The following SMYD3 variants were observed in gnomAD, a reference collection of about 807,000 sequenced individuals.
The protein encoded by SMYD3 is histone-lysine N-methyltransferase SMYD3.
SMYD3 carries 36 observed loss-of-function variants against 57.7 expected under a neutral mutation model. That is an observed-to-expected ratio of 0.62 (90% CI 0.48 to 0.82). The LOEUF (loss-of-function observed/expected upper bound fraction) is 0.82. Among genes scored for constraint, SMYD3 ranks in the 40% least tolerant of loss-of-function variants. The probability of loss-of-function intolerance (pLI) is 0.00; values close to 1 mark genes in which losing one functional copy is unlikely to be tolerated. For synonymous variants in SMYD3, 211 were observed against 195.0 expected (o/e 1.08, Z -0.68); for missense variants, 515 against 538.8 (o/e 0.96, Z 0.44).
intron 5 of SMYD3, among the ~76,000 whole-genome samples, chr1:246,212,864 C>T (rs971771180): frequency 5.9e-5 from 9 of 152,074 alleles, no homozygotes; most frequent in African/African-American, 2.2e-4. Flanking sequence ...ACAAGGCATA[C>T]AAATGTAGAC....
chr1:246,007,654 G>GA (rs35495113), intron 5 of SMYD3, among the ~76,000 whole-genome samples: 81 of 146,782 alleles, frequency 5.5e-4, no homozygotes, highest in Middle Eastern at 3.4e-3. Context: ...ACCAAAAATA[G>GA]AAAAAAAAAA....
chr1:245,994,380 C>T (rs950587304), intron 5 of SMYD3, among the ~76,000 whole-genome samples: 8 of 152,118 alleles, frequency 5.3e-5, no homozygotes, highest in African/African-American at 1.2e-4. Flanking sequence ...GAGAGGGACG[C>T]GGGGCTTTAG....
intron 1 of SMYD3, among the ~76,000 whole-genome samples, chr1:246,356,974 T>G (rs1460345492): frequency 1.3e-5 from 2 of 152,144 alleles, no homozygotes; most frequent in Non-Finnish European, 2.9e-5. Flanking sequence ...AGACACACAG[T>G]CAAGAGGTTA....
rs551580052 is a variant in SMYD3 at position 246,160,831 on chromosome 1, A to G, written c.531+166370T>C. Among the ~76,000 whole-genome samples the G allele has an allele frequency of 3.3e-5, 5 of 152,328 alleles. No individual in the cohort carries two copies. The South Asian group carries it at 8.3e-4, about 25-fold the overall frequency. On this transcript the variant is annotated intron_variant, in intron 5 of 11. Transcript: ENST00000490107. The stretch of plus-strand genomic sequence containing the variant: ...CATTGGGGAAATACTTTCAGATCAC[A>G]TCCAGGATAAACCATTATTTTCAAA...
At chr1:246,245,120 C>CTTTTTTTTTTTTTTTTTTTTTTTTT (rs74163421) in intron 5 of SMYD3, among the ~76,000 whole-genome samples, 6 of 122,950 alleles carry the variant, frequency 4.9e-5, no homozygotes, top group African/African-American at 6.1e-5. Flanking sequence ...CAGCTACTGC[C>CTTTTTTTTTTTTTTTTTTTTTTTTT]TTTTTTTTTT....
intron 10 of SMYD3, among the ~76,000 whole-genome samples, chr1:245,797,679 T>TATAGATAG (rs200665516): frequency 6.6e-6 from 1 of 151,652 alleles, no homozygotes; most frequent in African/African-American, 2.4e-5. Context: ...TATAATTATA[T>TATAGATAG]ATAGATAGAT....
chr1:245,908,404 T>G (rs1432956888), intron 8 of SMYD3, among the ~76,000 whole-genome samples: 1 of 152,212 alleles, frequency 6.6e-6, no homozygotes, highest in Admixed American at 6.5e-5. Context: ...CACTAATAGT[T>G]GGGGACTTCA....
intron 5 of SMYD3, among the ~76,000 whole-genome samples, chr1:246,036,652 T>C (rs916728092): frequency 2.2e-4 from 33 of 151,320 alleles, no homozygotes; most frequent in African/African-American, 6.8e-4. Context: ...CTCCCGGGTT[T>C]ACGCCATTCT....
In SMYD3 at chr1:246,450,284, T is replaced by C. The variant is rs551250341; in HGVS notation, c.164+56770A>G. Among the ~76,000 whole-genome samples the C allele has an allele frequency of 1.2e-4, 18 of 150,442 alleles. No homozygotes were observed. In the East Asian group the frequency reaches 3.5e-3, roughly 29 times the overall value. On this transcript the variant is annotated intron_variant, in intron 1 of 11. Coordinates refer to ENST00000490107, the MANE Select transcript of SMYD3 (RefSeq NM_001167740.2). ...CCAGCCTGGGCAACAAAAGCGAAACTCTATCTCAAAAAAAAAAAACTCATC... is the reference window on the plus strand; with the variant it reads ...CCAGCCTGGGCAACAAAAGCGAAACCCTATCTCAAAAAAAAAAAACTCATC...
rs1553321353 is a variant in SMYD3, at chr1:245,786,215, G to GGGGA, written c.1077-22067_1077-22066insTCCC. Among the ~76,000 whole-genome samples the GGGGA allele has an allele frequency of 2.0e-5, 3 of 147,100 alleles. 1 individual carries two copies. The highest frequency in any genetic ancestry group is 3.0e-5 in the Non-Finnish European group (2 of 67,058). On this transcript the variant is annotated intron_variant, in intron 10 of 11. Transcript: ENST00000490107. The stretch of plus-strand genomic sequence containing the variant: ...ACTGAGTTGAGTTGGGGTGTGGACG[G>GGGGA]GGGGGGGATGGTGGCAACAGAATAT...
chr1:246,100,076 T>C (rs772761094), intron 5 of SMYD3, among the ~76,000 whole-genome samples: 1 of 152,232 alleles, frequency 6.6e-6, no homozygotes, highest in African/African-American at 2.4e-5. Context: ...ACAGGCATGA[T>C]GGCTCATGCT....
intron 2 of SMYD3, among the ~76,000 whole-genome samples, chr1:246,349,967 A>T (rs2065796297): frequency 6.6e-6 from 1 of 152,250 alleles, no homozygotes; most frequent in African/African-American, 2.4e-5. Context: ...TGCATCAATT[A>T]AAAGACAGGA....
chr1:246,237,063 G>A (rs1411866592), intron 5 of SMYD3, among the ~76,000 whole-genome samples: 1 of 152,136 alleles, frequency 6.6e-6, no homozygotes, highest in Non-Finnish European at 1.5e-5. Flanking sequence ...AAACCAAAGA[G>A]ACGACCACAT....
intron 10 of SMYD3, among the ~76,000 whole-genome samples, chr1:245,851,607 T>C (rs1406895652): frequency 2.0e-5 from 3 of 152,178 alleles, no homozygotes; most frequent in Admixed American, 1.3e-4. Context: ...AGCATTGATG[T>C]GGAAAGACAC....
chr1:245,770,987 T>C (rs1405587617), intron 10 of SMYD3, among the ~76,000 whole-genome samples: 2 of 152,084 alleles, frequency 1.3e-5, no homozygotes, highest in Non-Finnish European at 2.9e-5. Flanking sequence ...AGGTCTCATA[T>C]GTGTCAACTG....
intron 5 of SMYD3, chr1:246,109,792 T>C (rs1247300356): frequency 6.6e-6 from 1 of 152,228 alleles, no homozygotes; most frequent in Non-Finnish European, 1.5e-5. Flanking sequence ...GTGCTTACCA[T>C]GGGGCTGCGC....
chr1:246,214,968 A>C (rs10802349), intron 5 of SMYD3, among the ~76,000 whole-genome samples: 40,370 of 151,922 alleles, frequency 0.27, 6,090 homozygotes, highest in East Asian at 0.58. Flanking sequence ...GAAACACTTA[A>C]TTTTCTTTAT....
intron 5 of SMYD3, among the ~76,000 whole-genome samples, chr1:246,063,071 G>A (rs935539404): frequency 2.0e-5 from 3 of 152,146 alleles, no homozygotes; most frequent in African/African-American, 4.8e-5. Context: ...TTCAGTTTCA[G>A]TTATCTACTA....
intron 1 of SMYD3, among the ~76,000 whole-genome samples, chr1:246,469,017 G>A (rs924863992): frequency 2.0e-4 from 30 of 152,126 alleles, no homozygotes; most frequent in African/African-American, 6.8e-4. Context: ...GCTAAACCCA[G>A]GCTACTGCCT....
Sources: gnomAD v4.1 joint callset for allele counts (sites outside exome capture counted in the v4.1 genomes callset) on GRCh38, gnomAD v4.1.1 for gene constraint, MANE v1.5 for transcripts, NCBI Gene and HGNC (gene_info 2026-07-23, HGNC 2026-07-21) for gene names.